The following ARHGAP15 variants were observed in gnomAD, a reference collection of about 807,000 sequenced individuals.
ARHGAP15 encodes Rho GTPase activating protein 15.
ARHGAP15 carries 51 observed loss-of-function variants against 63.7 expected under a neutral mutation model. The observed-to-expected ratio is 0.80, with a 90% CI of 0.64 to 1.01. The LOEUF (loss-of-function observed/expected upper bound fraction) is 1.01, where lower values mean the gene tolerates loss of function less well. Ranked by LOEUF, ARHGAP15 falls within the 50% of genes least tolerant of loss-of-function variation. ARHGAP15 has a pLI of 0.00. For synonymous variants in ARHGAP15, 191 were observed against 193.8 expected (o/e 0.99, Z 0.12); for missense variants, 560 against 564.6 (o/e 0.99, Z 0.08).
chr2:143,447,261 G>A (rs576615074), intron 8 of ARHGAP15, among the ~76,000 whole-genome samples: 2 of 152,060 alleles, frequency 1.3e-5, no homozygotes, highest in Non-Finnish European at 2.9e-5. Flanking sequence ...TCACTTAAAA[G>A]CAAGGAAAGA....
At chr2:143,184,159 G>C (rs767309690) in intron 2 of ARHGAP15, among the ~76,000 whole-genome samples, 1 of 152,130 alleles carries the variant, frequency 6.6e-6, no homozygotes, top group African/African-American at 2.4e-5. Flanking sequence ...CAGGGTGAAG[G>C]GTTGCATACA....
chr2:143,653,175 C>CATTG (rs1430182050), intron 12 of ARHGAP15, among the ~76,000 whole-genome samples: 3 of 152,088 alleles, frequency 2.0e-5, no homozygotes, highest in Non-Finnish European at 4.4e-5. Context: ...ACAACAACTA[C>CATTG]ATTGATAGAT....
chr2:143,761,499 C>A (rs796398628), intron 13 of ARHGAP15, among the ~76,000 whole-genome samples: 13 of 149,584 alleles, frequency 8.7e-5, no homozygotes, highest in African/African-American at 3.1e-4. Context: ...ATAGTAACAG[C>A]AAAGCACAAA....
chr2:143,722,561 A>G (rs1316674779), intron 13 of ARHGAP15, among the ~76,000 whole-genome samples: 1 of 152,228 alleles, frequency 6.6e-6, no homozygotes, highest in Non-Finnish European at 1.5e-5. Flanking sequence ...TCGGAAGTCT[A>G]AGGTTTTGCC....
intron 2 of ARHGAP15, among the ~76,000 whole-genome samples, chr2:143,168,824 CTT>C (rs1439059017): frequency 1.3e-5 from 2 of 152,022 alleles, no homozygotes; most frequent in Non-Finnish European, 2.9e-5. Flanking sequence ...AATTTGGAGA[CTT>C]TTAAACTTTG....
chr2:143,402,418 G>T (rs1010473165), intron 6 of ARHGAP15, among the ~76,000 whole-genome samples: 6 of 151,798 alleles, frequency 4.0e-5, no homozygotes, highest in African/African-American at 1.5e-4. Flanking sequence ...AGGTACTAGG[G>T]AAGATTTAGC....
chr2:143,529,252 C>A (rs182379752), intron 10 of ARHGAP15, among the ~76,000 whole-genome samples: 5 of 152,222 alleles, frequency 3.3e-5, no homozygotes, highest in Admixed American at 3.3e-4. Context: ...ATCTTAGATT[C>A]TTCTCTCTCA....
intron 13 of ARHGAP15, among the ~76,000 whole-genome samples, chr2:143,709,491 C>A (rs148495197): frequency 7.2e-5 from 11 of 152,298 alleles, no homozygotes; most frequent in African/African-American, 2.6e-4. Flanking sequence ...TTAAAATCTT[C>A]CCTTTTGCAT....
intron 10 of ARHGAP15, 25 bp from the exon 11 acceptor site, chr2:143,556,383 A>C: frequency 6.4e-7 from 1 of 1,567,426 alleles, no homozygotes; most frequent in Non-Finnish European, 8.7e-7. Context: ...ATGTGCTAAT[A>C]TAAAATATGC....
intron 8 of ARHGAP15, among the ~76,000 whole-genome samples, chr2:143,466,649 G>T (rs998527154): frequency 6.6e-6 from 1 of 151,926 alleles, no homozygotes; most frequent in African/African-American, 2.4e-5. Context: ...TCTTTTTTGT[G>T]CACACATTTG....
intron 12 of ARHGAP15, among the ~76,000 whole-genome samples, chr2:143,660,001 C>G (rs1411720740): frequency 6.6e-6 from 1 of 152,082 alleles, no homozygotes; most frequent in African/African-American, 2.4e-5. Context: ...TTTTTCCTAC[C>G]ATTGTTCCTA....
At chr2:143,342,347 G>A (rs1685094187) in intron 6 of ARHGAP15, among the ~76,000 whole-genome samples, 2 of 151,990 alleles carry the variant, frequency 1.3e-5, no homozygotes, top group African/African-American at 4.8e-5. Flanking sequence ...TACTCATCTA[G>A]CAGTATAATA....
chr2:143,390,731 GCACACACACACACA>G (rs3071055), intron 6 of ARHGAP15, among the ~76,000 whole-genome samples: 39 of 147,590 alleles, frequency 2.6e-4, no homozygotes, highest in South Asian at 2.4e-3. Flanking sequence ...GAAAACACAT[GCACACACACACACA>G]CACACACACA....
chr2:143,640,176 C>G (rs546057807), intron 12 of ARHGAP15, among the ~76,000 whole-genome samples: 1 of 152,098 alleles, frequency 6.6e-6, no homozygotes, highest in East Asian at 1.9e-4. Context: ...CTTTGTAGTT[C>G]CGGCACTAAA....
At chr2:143,610,832 A>T (rs1448219257) in intron 11 of ARHGAP15, among the ~76,000 whole-genome samples, 3 of 151,920 alleles carry the variant, frequency 2.0e-5, no homozygotes, top group East Asian at 3.9e-4. Context: ...GGATTCAAGC[A>T]ATTCTCCTGT....
chr2:143,450,506 T>A (rs978057605), intron 8 of ARHGAP15, among the ~76,000 whole-genome samples: 3 of 151,442 alleles, frequency 2.0e-5, no homozygotes, highest in African/African-American at 7.3e-5. Context: ...ACTTGTGAAT[T>A]AAAAAAAAAT....
At chr2:143,411,066 A>G (rs7596264) in intron 6 of ARHGAP15, among the ~76,000 whole-genome samples, 34,053 of 151,888 alleles carry the variant, frequency 0.22, 4,354 homozygotes, top group Admixed American at 0.34. Context: ...TTAGCAGGGC[A>G]TGACGGCAGG....
chr2:143,143,629 G>A (rs560550054), intron 1 of ARHGAP15, among the ~76,000 whole-genome samples: 3 of 141,600 alleles, frequency 2.1e-5, no homozygotes, highest in African/African-American at 5.3e-5. Flanking sequence ...ATCATCCACC[G>A]CTGGAACAAG....
At chr2:143,304,023 A>G (rs1387531264) in intron 6 of ARHGAP15, among the ~76,000 whole-genome samples, 2 of 152,204 alleles carry the variant, frequency 1.3e-5, no homozygotes, top group Non-Finnish European at 2.9e-5. Flanking sequence ...AAACTAGTTC[A>G]ACCATTGTGC....
Sources: gnomAD v4.1 joint callset for allele counts (sites outside exome capture counted in the v4.1 genomes callset) on GRCh38, gnomAD v4.1.1 for gene constraint, MANE v1.5 for transcripts, NCBI Gene and HGNC (gene_info 2026-07-23, HGNC 2026-07-21) for gene names.